Variants in ERC2 observed in about 807,000 individuals in gnomAD.
ERC2 encodes the protein ELKS/RAB6-interacting/CAST family member 2.
A neutral mutation model predicts 114.8 loss-of-function variants in ERC2; 42 were observed. That is an observed-to-expected ratio of 0.37 (90% CI 0.29 to 0.47). The LOEUF (loss-of-function observed/expected upper bound fraction) is 0.47. Ranked by LOEUF, ERC2 falls within the 20% of genes least tolerant of loss-of-function variation. The pLI, the probability that ERC2 is intolerant of heterozygous loss-of-function variation, is 0.99. For missense variants in ERC2, 939 were observed against 1,150.7 expected (o/e 0.82, Z 2.66); for synonymous variants, 454 against 425.5 (o/e 1.07, Z -0.82).
At chr3:56,401,374 C>T (rs560908985) in intron 2 of ERC2, among the ~76,000 whole-genome samples, 1 of 152,314 alleles carries the variant, frequency 6.6e-6, no homozygotes, top group Admixed American at 6.5e-5. Context: ...ATTAATCCAT[C>T]TCCCCACATG....
chr3:56,362,139 A>C (rs1434523272), intron 2 of ERC2, among the ~76,000 whole-genome samples: 1 of 152,206 alleles, frequency 6.6e-6, no homozygotes, highest in Non-Finnish European at 1.5e-5. Context: ...AAATGAAAGG[A>C]AGGACATTGG....
At chr3:55,523,872 C>T (rs1183624109) in intron 17 of ERC2, among the ~76,000 whole-genome samples, 4 of 152,200 alleles carry the variant, frequency 2.6e-5, no homozygotes, top group African/African-American at 9.6e-5. Flanking sequence ...GCACTACTGA[C>T]ATTTTGGACT....
At chr3:56,094,574 T>A (rs553490052) in intron 6 of ERC2, among the ~76,000 whole-genome samples, 1 of 152,202 alleles carries the variant, frequency 6.6e-6, no homozygotes, top group African/African-American at 2.4e-5. Flanking sequence ...AAAATTGAGA[T>A]AAAATTTTGC....
At chr3:55,670,683 T>G (rs886218413) in intron 17 of ERC2, among the ~76,000 whole-genome samples, 2 of 152,218 alleles carry the variant, frequency 1.3e-5, no homozygotes, top group Non-Finnish European at 2.9e-5. Flanking sequence ...ACATACCACA[T>G]ACGGAGACAT....
intron 3 of ERC2, among the ~76,000 whole-genome samples, chr3:56,236,428 GAC>G (rs2050952294): frequency 6.6e-6 from 1 of 152,300 alleles, no homozygotes; most frequent in South Asian, 2.1e-4. Context: ...ATTTCCCTGG[GAC>G]AGCAAGTGCT....
At chr3:56,146,452 A>G (rs2081139573) in intron 5 of ERC2, among the ~76,000 whole-genome samples, 1 of 152,246 alleles carries the variant, frequency 6.6e-6, no homozygotes. Context: ...CTAATTTTTA[A>G]CAATAAAAGA....
intron 13 of ERC2, among the ~76,000 whole-genome samples, chr3:55,933,908 GTATC>G (rs2066279328): frequency 6.6e-6 from 1 of 152,174 alleles, no homozygotes; most frequent in Non-Finnish European, 1.5e-5. Flanking sequence ...TCTGTCTCAA[GTATC>G]TGTCTGTGTG....
chr3:56,453,060 T>C (rs1199674613), intron 1 of ERC2, among the ~76,000 whole-genome samples: 1 of 152,224 alleles, frequency 6.6e-6, no homozygotes, highest in East Asian at 1.9e-4. Flanking sequence ...ACTTTGCACA[T>C]GCAAGTAAAA....
At chr3:55,742,616 A>G (rs1415053756) in intron 14 of ERC2, among the ~76,000 whole-genome samples, 2 of 152,194 alleles carry the variant, frequency 1.3e-5, no homozygotes, top group African/African-American at 4.8e-5. Context: ...TGTGGGGGGA[A>G]AAAGTCCGCT....
At chr3:56,170,604 T>TGTTG (rs1553861441) in intron 4 of ERC2, among the ~76,000 whole-genome samples, 2 of 133,234 alleles carry the variant, frequency 1.5e-5, no homozygotes, top group African/African-American at 2.9e-5. Flanking sequence ...TTTTTTTTTT[T>TGTTG]TTTTTTTTTT....
chr3:56,209,895 G>T lies in ERC2; in HGVS notation c.1075-36375C>A, dbSNP rs1042405587. Among the ~76,000 whole-genome samples the T allele has an allele frequency of 1.1e-4, 17 of 152,264 alleles. No individual in the cohort carries two copies. In the South Asian group the frequency reaches 3.1e-3, roughly 28 times the overall value. On this transcript the variant is annotated intron_variant, in intron 3 of 17. Coordinates refer to ENST00000288221, the MANE Select transcript of ERC2 (RefSeq NM_015576.3). ...CCTTCAGGCAGAGGAGCATTGCTTT[G>T]TGGAGTTGAGAGAACCACATTTCCC...
At chr3:55,557,484 T>C (rs764164778) in intron 17 of ERC2, among the ~76,000 whole-genome samples, 3 of 152,242 alleles carry the variant, frequency 2.0e-5, no homozygotes, top group Non-Finnish European at 4.4e-5. Context: ...CTACAACAGA[T>C]ATCAGCCTGC....
chr3:55,697,289 C>T (rs1445728736), intron 16 of ERC2, among the ~76,000 whole-genome samples: 1 of 152,172 alleles, frequency 6.6e-6, no homozygotes, highest in Non-Finnish European at 1.5e-5. Flanking sequence ...GGTTAACTGC[C>T]TCTATGTCCA....
In ERC2 at chr3:56,193,487, A is replaced by G. The variant is rs185640988; in HGVS notation, c.1075-19967T>C. Among the ~76,000 whole-genome samples the G allele has an allele frequency of 4.3e-4, 65 of 151,968 alleles. 1 individual carries two copies. Among genetic ancestry groups the G allele is most frequent in the Non-Finnish European group, 7.4e-4 (50 of 67,982 alleles). ...ATGCCACCACACTCAAGCCTGGGTG[A>G]CCGAGCGAGACTCTGTCTCAAAAAA... On this transcript the variant is annotated intron_variant, in intron 3 of 17. Transcript: ENST00000288221.
chr3:56,023,738 C>A (rs2073867292), intron 7 of ERC2, among the ~76,000 whole-genome samples: 1 of 98,952 alleles, frequency 1.0e-5, no homozygotes, highest in South Asian at 3.3e-4. Flanking sequence ...TGGCAACACC[C>A]CACATATTAG....
intron 14 of ERC2, among the ~76,000 whole-genome samples, chr3:55,879,385 T>C (rs1173535184): frequency 6.6e-6 from 1 of 152,224 alleles, no homozygotes; most frequent in Non-Finnish European, 1.5e-5. Flanking sequence ...CACAGTCATC[T>C]GAGGCAGCAT....
chr3:56,134,131 C>T (rs1209600809), intron 6 of ERC2, among the ~76,000 whole-genome samples: 1 of 152,170 alleles, frequency 6.6e-6, no homozygotes, highest in Non-Finnish European at 1.5e-5. Flanking sequence ...TATTAGCCTT[C>T]AATTATAAGA....
At chr3:56,020,984 G>C (rs1158153877) in intron 7 of ERC2, among the ~76,000 whole-genome samples, 1 of 152,080 alleles carries the variant, frequency 6.6e-6, no homozygotes. Context: ...GTGGAGACTG[G>C]AGACATGCGA....
At chr3:56,282,284 CA>C (rs2054399636) in intron 3 of ERC2, among the ~76,000 whole-genome samples, 1 of 152,026 alleles carries the variant, frequency 6.6e-6, no homozygotes, top group Non-Finnish European at 1.5e-5. Flanking sequence ...GATGAAAAAA[CA>C]ATGGGAGGAA....
Sources: gnomAD v4.1 joint callset for allele counts (sites outside exome capture counted in the v4.1 genomes callset) on GRCh38, gnomAD v4.1.1 for gene constraint, MANE v1.5 for transcripts, NCBI Gene and HGNC (gene_info 2026-07-23, HGNC 2026-07-21) for gene names.